Variants in UBXN11 observed in about 807,000 individuals in gnomAD.
The protein encoded by UBXN11 is UBX domain-containing protein 11.
A neutral mutation model predicts 62.8 loss-of-function variants in UBXN11; 47 were observed. The ratio of observed to expected loss-of-function variants is 0.75; its 90% CI spans 0.59 to 0.95. The LOEUF is 0.95. UBXN11 is among the 40% of genes least tolerant of loss of function. UBXN11 has a pLI of 0.00. For synonymous variants in UBXN11, 294 were observed against 267.0 expected, an observed-to-expected ratio of 1.10 and a Z score of -0.99; for missense variants, 638 against 661.7, an observed-to-expected ratio of 0.96 and a Z score of 0.39.
At chr1:26,296,040 T>C (rs1370567850) in intron 7 of UBXN11, among the ~76,000 whole-genome samples, 3 of 152,230 alleles carry the variant, frequency 2.0e-5, no homozygotes, top group Admixed American at 6.5e-5. Flanking sequence ...AATTGGAGGT[T>C]TGCTGCCAAG....
chr1:26,292,304 A>G lies in UBXN11; in HGVS notation c.559+1901T>C, dbSNP rs987125219. Among the ~76,000 whole-genome samples the G allele has an allele frequency of 2.0e-5, 3 of 151,668 alleles. No homozygotes were observed. In the East Asian group the frequency reaches 5.8e-4, roughly 30 times the overall value. On this transcript the variant is annotated intron_variant, in intron 8 of 14. Coordinates refer to ENST00000374222, the MANE Select transcript of UBXN11 (RefSeq NM_001389556.1). Reference sequence around the variant, plus strand: ...AGGCTGAGGCAGCAGGATCACTGGCATCCAGGAGTTCAAGACCAGCCTTGG... The same window carrying G: ...AGGCTGAGGCAGCAGGATCACTGGCGTCCAGGAGTTCAAGACCAGCCTTGG...
chr1:26,284,099 A>G (rs2124632031), intron 12 of UBXN11, 43 bp downstream of exon 12: 2 of 1,543,432 alleles, frequency 1.3e-6, no homozygotes, highest in South Asian at 1.2e-5. Context: ...GGCTGGTGCT[A>G]AAGTTCCCCC....
At chr1:26,313,791 T>C (rs1042095507) in intron 1 of UBXN11, among the ~76,000 whole-genome samples, 1 of 150,636 alleles carries the variant, frequency 6.6e-6, no homozygotes, top group African/African-American at 2.4e-5. Flanking sequence ...TCTTTTTTTT[T>C]TTTTTTTGAG....
upstream of UBXN11, among the ~76,000 whole-genome samples, chr1:26,308,935 ATTTTTTT>A (rs57323315): frequency 9.2e-6 from 1 of 108,272 alleles, no homozygotes; most frequent in South Asian, 3.2e-4. Context: ...CAGTCGTTTG[ATTTTTTT>A]TTTTTTTTTT....
At chr1:26,298,663 G>A (rs553880293) in intron 4 of UBXN11, among the ~76,000 whole-genome samples, 9 of 151,866 alleles carry the variant, frequency 5.9e-5, no homozygotes, top group African/African-American at 1.5e-4. Context: ...GTGGTGGCAG[G>A]TGCCTGTAAT....
At chr1:26,301,308 G>A (rs1280116153) in intron 3 of UBXN11, among the ~76,000 whole-genome samples, 2 of 152,012 alleles carry the variant, frequency 1.3e-5, no homozygotes, top group East Asian at 1.9e-4. Flanking sequence ...GGGTGGCAAT[G>A]TGTGGACAGG....
Position 26,296,975 on chromosome 1 carries a change from G to A in UBXN11, c.376C>T (p.Gln126Ter). 6.2e-7 allele frequency: 1 copy of A among 1,605,070 alleles called. No homozygotes were observed. The highest frequency in any genetic ancestry group is 1.1e-5 in the South Asian group (1 of 89,248). ...PHPAEATLQRQEELETMCVQL... is the reference protein window; with the variant it reads ...PHPAEATLQR ...ACACACATCGTCTCCAGTTCCTCCTGCCGCTGCAGGGTTGCCTCGGCTTCA... is the reference window on the plus strand; with the variant it reads ...ACACACATCGTCTCCAGTTCCTCCTACCGCTGCAGGGTTGCCTCGGCTTCA... Residue 126 changes from glutamine (Q) to a stop codon, truncating the protein, a stop_gained, in exon 7 of 15, where the codon CAG (glutamine) becomes TAG (stop). Transcript: ENST00000374222. LOFTEE classifies it high-confidence loss of function.
In UBXN11 at chr1:26,294,163, A is replaced by G. The variant is rs779629476; in HGVS notation, c.559+42T>C. On this transcript the variant is annotated intron_variant, in intron 8 of 14. Transcript: ENST00000374222. ...GCCGGCCAACAGCAAACTGTTGGAGAATTCCTTTTGAAGAGGGCCTGGGGC... is the reference window on the plus strand; with the variant it reads ...GCCGGCCAACAGCAAACTGTTGGAGGATTCCTTTTGAAGAGGGCCTGGGGC... 3.7e-6 allele frequency: 6 copies of G among 1,609,322 alleles called. No homozygotes were observed. In the East Asian group the frequency reaches 1.3e-4, roughly 36 times the overall value.
At chr1:26,293,011 C>G (rs751476289) in intron 8 of UBXN11, among the ~76,000 whole-genome samples, 3 of 152,174 alleles carry the variant, frequency 2.0e-5, no homozygotes, top group Non-Finnish European at 4.4e-5. Context: ...GGGTTTTTAC[C>G]TAGCAGGAAA....
rs533878513 is a variant in UBXN11, at chr1:26,289,587, G to A, written c.560-3550C>T. On this transcript the variant is annotated intron_variant, in intron 8 of 14. Coordinates refer to ENST00000374222, the MANE Select transcript of UBXN11 (RefSeq NM_001389556.1). ...GCTTTCCAGAAATGTCTGAGCACCCGTGCTCTGCTAGGCCCTGCCCATCAT... is the reference window on the plus strand; with the variant it reads ...GCTTTCCAGAAATGTCTGAGCACCCATGCTCTGCTAGGCCCTGCCCATCAT... Among the ~76,000 whole-genome samples the A allele has an allele frequency of 1.1e-4, 16 of 152,228 alleles. No individual in the cohort carries two copies. The South Asian group carries it at 1.5e-3, about 14-fold the overall frequency.
intron 2 of UBXN11, among the ~76,000 whole-genome samples, chr1:26,302,086 T>G (rs982631863): frequency 2.0e-5 from 3 of 152,134 alleles, no homozygotes; most frequent in African/African-American, 7.2e-5. Context: ...TGACTCAAAG[T>G]GGGGCCAGGC....
rs1389040888 is a variant in UBXN11, at chr1:26,282,888, G to GGC, written c.1125_1126dup (p.Pro376ArgfsTer38). 1 of 1,614,050 alleles carries GGC rather than the reference G, an allele frequency of 6.2e-7. No individual in the cohort carries two copies. The highest frequency in any genetic ancestry group is 1.3e-5 in the African/African-American group (1 of 74,914). ...CCTCTCTCGCTCAGCGGCCAAGGTGGGCGTCTCCACCACAATCTCCTGGAT... is the reference window on the plus strand; with the variant it reads ...CCTCTCTCGCTCAGCGGCCAAGGTGGGCGCGTCTCCACCACAATCTCCTGGAT... On this transcript the variant is annotated frameshift_variant, in exon 13 of 15. Transcript: ENST00000374222. LOFTEE classifies it high-confidence loss of function.
chr1:26,284,347 G>A lies in UBXN11; in HGVS notation c.973+15C>T, dbSNP rs1266180904. On this transcript the variant is annotated intron_variant, in intron 11 of 14. Coordinates refer to ENST00000374222, the MANE Select transcript of UBXN11 (RefSeq NM_001389556.1). ...GTCCCCCAGCCCCCTGGCTCAGCCT[G>A]GAGGCCAAACTCACCTGGGTGCTCC... 1.9e-6 allele frequency: 3 copies of A among 1,614,056 alleles called. No homozygotes were observed. The highest frequency in any genetic ancestry group is 1.7e-6 in the Non-Finnish European group (2 of 1,179,960).
chr1:26,313,907 A>G, intron 1 of UBXN11, among the ~76,000 whole-genome samples: 1 of 151,070 alleles, frequency 6.6e-6, no homozygotes, highest in East Asian at 1.9e-4. Context: ...CAGCCTCCCG[A>G]GTAGCTGGGA....
chr1:26,285,390 G>T, intron 10 of UBXN11, 74 bp downstream of exon 10: 1 of 1,567,426 alleles, frequency 6.4e-7, no homozygotes, highest in Middle Eastern at 2.0e-4. Context: ...CAGAATGGGA[G>T]GTGTCTGGGG....
chr1:26,291,085 AG>A lies in UBXN11; in HGVS notation c.559+3119del, dbSNP rs2073252409. 1.3e-4 allele frequency among the ~76,000 whole-genome samples: 20 copies of A among 152,238 alleles called. No individual in the cohort carries two copies. The South Asian group carries it at 4.1e-3, about 32-fold the overall frequency. On this transcript the variant is annotated intron_variant, in intron 8 of 14. Transcript: ENST00000374222. Reference sequence around the variant, plus strand: ...CTCCTCCCTAGGAGTCCCAGGCTCCAGGAAGTTTGATCACCCCACTGGCTCG... The same window carrying A: ...CTCCTCCCTAGGAGTCCCAGGCTCCAGAAGTTTGATCACCCCACTGGCTCG...
At chr1:26,295,591 C>T (rs1487582282) in intron 7 of UBXN11, among the ~76,000 whole-genome samples, 2 of 152,150 alleles carry the variant, frequency 1.3e-5, no homozygotes, top group African/African-American at 2.4e-5. Context: ...AGTTATGTGG[C>T]GGGAAGTGGC....
rs4332350 is a variant in UBXN11 at position 26,284,400 on chromosome 1, A to C, written c.935T>G (p.Leu312Arg). The change falls in exon 11 of 15, where the codon CTG (leucine) becomes CGG (arginine). Residue 312 changes from leucine (L) to arginine (R), a missense_variant. By Grantham distance (102) the Leu-to-Arg change is moderately radical. Transcript: ENST00000374222. ...CACCCTGTCCAAGGCCTTGTGCATC[A>C]GCTGCCTGCCCACCACACGGCCCTC... ...PGEGRVVGRQLMHKALDRVEE... is the reference protein window; with the variant it reads ...PGEGRVVGRQRMHKALDRVEE... 1,441,723 of 1,613,790 alleles carry C rather than the reference A, an allele frequency of 0.89. 654,413 individuals carry two copies. Among genetic ancestry groups the C allele is most frequent in the Non-Finnish European group, 0.94 (1,105,548 of 1,179,860 alleles).
chr1:26,290,071 CCT>C (rs1356304280), intron 8 of UBXN11, among the ~76,000 whole-genome samples: 1 of 152,214 alleles, frequency 6.6e-6, no homozygotes, highest in Non-Finnish European at 1.5e-5. Context: ...CTCTCTGGCC[CCT>C]GCCATTGAGC....
Sources: allele counts gnomAD v4.1 joint callset (sites outside exome capture counted in the v4.1 genomes callset), GRCh38; gene constraint gnomAD v4.1.1; transcripts MANE v1.5; gene names NCBI Gene and HGNC (gene_info 2026-07-23, HGNC 2026-07-21).